PATJ: variants seen among roughly 807,000 people sequenced by gnomAD.
PATJ encodes PATJ crumbs cell polarity complex component, also known as inaD-like protein.
In PATJ, 190 loss-of-function variants were observed where a neutral mutation model predicts 224.9. That is an observed-to-expected ratio of 0.84 (90% CI 0.75 to 0.95). PATJ has a LOEUF of 0.95. PATJ is among the 40% of genes least tolerant of loss of function. The pLI is 0.00. For missense variants in PATJ, 2,121 were observed against 2,270.3 expected (o/e 0.93, Z 1.34); for synonymous variants, 769 against 820.3 (o/e 0.94, Z 1.07).
intron 37 of PATJ, 112 bp downstream of exon 37, chr1:62,117,330 CA>C: frequency 6.7e-7 from 1 of 1,485,386 alleles, no homozygotes; most frequent in Non-Finnish European, 9.0e-7. Flanking sequence ...AGCATATTCA[CA>C]GCACCAAGTT....
intron 1 of PATJ, among the ~76,000 whole-genome samples, chr1:61,752,044 A>T (rs905565393): frequency 2.0e-5 from 3 of 150,766 alleles, no homozygotes; most frequent in Non-Finnish European, 2.9e-5. Context: ...AAGTTGAGGC[A>T]GGAGAATCGC....
chr1:61,969,612 T>C (rs1185407251), intron 27 of PATJ, among the ~76,000 whole-genome samples: 3 of 152,248 alleles, frequency 2.0e-5, no homozygotes, highest in African/African-American at 7.2e-5. Context: ...ATATTCTAGA[T>C]ATTATATACC....
At chr1:61,904,128 G>A (rs1671560988) in intron 24 of PATJ, among the ~76,000 whole-genome samples, 1 of 151,918 alleles carries the variant, frequency 6.6e-6, no homozygotes, top group South Asian at 2.1e-4. Flanking sequence ...TTTAGTTTTA[G>A]TTGTATTTTT....
intron 31 of PATJ, among the ~76,000 whole-genome samples, chr1:62,066,892 TG>T (rs1342733093): frequency 2.0e-5 from 3 of 152,174 alleles, no homozygotes; most frequent in South Asian, 4.2e-4. Flanking sequence ...GATCCACCTC[TG>T]GGTGGGGCCA....
rs1259821733 is a variant in PATJ at position 61,884,364 on chromosome 1, A to G, written c.3087A>G (p.Ser1029=). The change falls in exon 22 of 44, where the codon TCA becomes TCG. Residue 1029 remains serine, a synonymous_variant. Coordinates refer to ENST00000642238, the MANE Select transcript of PATJ (RefSeq NM_001350145.3). ...CGACACGAGTTATTTCCAAGGCCTC[A>G]GCATACACAGGAATGTTGTCTTCTA... ...HQATRVISKA[S]AYTGMLSSRY... is the part of the protein sequence containing the mutation. 1 of 1,612,146 alleles carries G rather than the reference A, an allele frequency of 6.2e-7. No individual in the cohort carries two copies. Among genetic ancestry groups the G allele is most frequent in the Non-Finnish European group, 8.5e-7 (1 of 1,179,346 alleles).
intron 22 of PATJ, among the ~76,000 whole-genome samples, chr1:61,899,191 T>G (rs1670783058): frequency 6.6e-6 from 1 of 152,208 alleles, no homozygotes; most frequent in Admixed American, 6.5e-5. Flanking sequence ...TGATTTATAC[T>G]TGATATCTAT....
chr1:61,996,377 T>A (rs1205577715), intron 28 of PATJ, among the ~76,000 whole-genome samples: 9 of 152,254 alleles, frequency 5.9e-5, no homozygotes, highest in Non-Finnish European at 2.9e-5. Flanking sequence ...CCTGACTTTC[T>A]GCTTGCTGCC....
chr1:61,901,555 C>T (rs374783048), intron 24 of PATJ, 96 bp downstream of exon 24: 19 of 816,342 alleles, frequency 2.3e-5, no homozygotes, highest in East Asian at 1.8e-4. Context: ...TGTTGGGGAC[C>T]GTGTGTGTAC....
chr1:62,069,199 G>C (rs759600965), intron 31 of PATJ, among the ~76,000 whole-genome samples: 40 of 152,180 alleles, frequency 2.6e-4, no homozygotes, highest in Non-Finnish European at 4.3e-4. Context: ...GCTGGGAGGA[G>C]GTAAACAGTA....
intron 30 of PATJ, among the ~76,000 whole-genome samples, chr1:62,047,075 A>G (rs1248913241): frequency 6.6e-6 from 1 of 152,210 alleles, no homozygotes; most frequent in African/African-American, 2.4e-5. Flanking sequence ...CCTCTAATTT[A>G]TTTAAGGAAC....
At chr1:62,097,349 C>T (rs554288626) in intron 33 of PATJ, among the ~76,000 whole-genome samples, 1 of 152,232 alleles carries the variant, frequency 6.6e-6, no homozygotes, top group South Asian at 2.1e-4. Context: ...AAATTTTATG[C>T]AGCTCTTTCC....
rs187857272 is a variant in PATJ at position 61,770,536 on chromosome 1, A to G, written c.525-895A>G. On this transcript the variant is annotated intron_variant, in intron 5 of 43. Coordinates refer to ENST00000642238, the MANE Select transcript of PATJ (RefSeq NM_001350145.3). ...CACTCAACATAGTACCTGACTCATG[A>G]TAAGTGCTCAGTAAATACTATTTTT... Among the ~76,000 whole-genome samples the G allele has an allele frequency of 2.2e-3, 334 of 152,300 alleles. 1 individual carries two copies. The highest frequency in any genetic ancestry group is 7.7e-3 in the African/African-American group (320 of 41,574).
At chr1:61,960,949 C>T (rs1009008918) in intron 27 of PATJ, among the ~76,000 whole-genome samples, 4 of 152,074 alleles carry the variant, frequency 2.6e-5, no homozygotes, top group East Asian at 3.9e-4. Flanking sequence ...TATTCAGACA[C>T]TCATATGGGA....
intron 27 of PATJ, chr1:61,951,987 T>C (rs987651985): frequency 5.5e-6 from 1 of 180,288 alleles, no homozygotes; most frequent in African/African-American, 2.3e-5. Context: ...CAATAAATGG[T>C]TGAGGTTATA....
At chr1:61,959,402 T>G (rs1284941484) in intron 27 of PATJ, among the ~76,000 whole-genome samples, 1 of 139,866 alleles carries the variant, frequency 7.1e-6, no homozygotes, top group Admixed American at 7.7e-5. Context: ...CCACTGCCTA[T>G]ATATATATTA....
intron 31 of PATJ, among the ~76,000 whole-genome samples, chr1:62,067,490 A>G (rs1258160706): frequency 6.6e-6 from 1 of 152,138 alleles, no homozygotes; most frequent in African/African-American, 2.4e-5. Flanking sequence ...TCCCTAAGCA[A>G]GAAAGGGGTT....
At chr1:61,981,929 A>T (rs1163680932) in intron 27 of PATJ, among the ~76,000 whole-genome samples, 1 of 152,056 alleles carries the variant, frequency 6.6e-6, no homozygotes, top group Non-Finnish European at 1.5e-5. Context: ...TTGGCCTCCC[A>T]AAGTGCTGGG....
At chr1:62,076,641 C>G (rs1658355486) in intron 31 of PATJ, among the ~76,000 whole-genome samples, 1 of 152,180 alleles carries the variant, frequency 6.6e-6, no homozygotes, top group East Asian at 1.9e-4. Context: ...CAGTATCTAT[C>G]AGGGACCTAT....
chr1:61,946,103 A>G (rs1678660398), intron 27 of PATJ, among the ~76,000 whole-genome samples: 1 of 152,220 alleles, frequency 6.6e-6, no homozygotes. Context: ...AAATGCCCAC[A>G]AGAGAAAGCA....
Sources: allele counts gnomAD v4.1 joint callset (sites outside exome capture counted in the v4.1 genomes callset), GRCh38; gene constraint gnomAD v4.1.1; transcripts MANE v1.5; gene names NCBI Gene and HGNC (gene_info 2026-07-23, HGNC 2026-07-21).